SLC38A3: variants seen among roughly 807,000 people sequenced by gnomAD.
SLC38A3 encodes solute carrier family 38 member 3.
A neutral mutation model predicts 59.5 loss-of-function variants in SLC38A3; 17 were observed. The observed-to-expected ratio is 0.29, with a 90% CI of 0.20 to 0.43. The LOEUF is 0.43. Among genes scored for constraint, SLC38A3 ranks in the 20% least tolerant of loss-of-function variants. The probability of loss-of-function intolerance (pLI) is 1.00; values close to 1 mark genes in which losing one functional copy is unlikely to be tolerated. For synonymous variants in SLC38A3, 238 were observed against 260.3 expected (o/e 0.91, Z 0.82); for missense variants, 454 against 653.9 (o/e 0.69, Z 3.33).
chr3:50,213,290 C>T (rs1354776535), intron 1 of SLC38A3, among the ~76,000 whole-genome samples: 3 of 152,028 alleles, frequency 2.0e-5, no homozygotes, highest in South Asian at 2.1e-4. Flanking sequence ...TCCTGGACAG[C>T]GGGCCCCTGA....
chr3:50,211,076 G>T (rs1328850570), intron 1 of SLC38A3, among the ~76,000 whole-genome samples: 2 of 152,214 alleles, frequency 1.3e-5, no homozygotes, highest in Non-Finnish European at 2.9e-5. Context: ...GCAGGGCCAA[G>T]CCCAGCCCTA....
In SLC38A3 at chr3:50,208,509, C is replaced by T. The variant is rs1047179268; in HGVS notation, c.-52+3161C>T. ...AACTCCTGGGCTCAGGTGATCTGCC[C>T]GCCTCGGCCTCCCAAAGTGCTGGGA... On this transcript the variant is annotated intron_variant, in intron 1 of 15. Transcript: ENST00000614032. Among the ~76,000 whole-genome samples, 5 of 151,976 alleles carry T rather than the reference C, an allele frequency of 3.3e-5. No individual in the cohort carries two copies. The East Asian group carries it at 5.8e-4, about 18-fold the overall frequency.
At position 50,215,974 on chromosome 3, in the gene SLC38A3, G is replaced by T. The variant is rs1699813202; in HGVS notation, c.548+153G>T. 6.6e-6 allele frequency among the ~76,000 whole-genome samples: 1 copy of T among 152,076 alleles called. No homozygotes were observed. The highest frequency in any genetic ancestry group is 2.4e-5 in the African/African-American group (1 of 41,386). ...AGAAGCTGGTGGAGTGGGGAGAGTT[G>T]CCCGCAGAGCCAGCATTCAGTTCAC... On this transcript the variant is annotated intron_variant, in intron 7 of 15. Transcript: ENST00000614032. The surrounding 1 kb of genome is among the most constrained non-coding windows in gnomAD (Gnocchi z 7.1).
chr3:50,212,849 G>C (rs1049486416), intron 1 of SLC38A3, among the ~76,000 whole-genome samples: 4 of 152,302 alleles, frequency 2.6e-5, no homozygotes, highest in Admixed American at 6.5e-5. Flanking sequence ...GAGTGGGGAT[G>C]GGGGGTTCAG....
rs1699848082 is a variant in SLC38A3, at chr3:50,218,198, G to A, written c.936-72G>A. On this transcript the variant is annotated intron_variant, in intron 11 of 15. Transcript: ENST00000614032. The surrounding 1 kb of genome is among the most constrained non-coding windows in gnomAD (Gnocchi z 5.8). The stretch of plus-strand genomic sequence containing the variant: ...TGGTGAAAGTATGGTGCCAGAGAGA[G>A]CTTGGGGCACATGGGGGTCTCCCAA... 2 of 1,201,772 alleles carry A rather than the reference G, an allele frequency of 1.7e-6. No homozygotes were observed. Among genetic ancestry groups the A allele is most frequent in the Non-Finnish European group, 2.5e-6 (2 of 807,108 alleles). The allele number at this position is 1,201,772 out of a possible 1,614,324, so 74.4% of individuals were successfully genotyped here. A position where few individuals can be genotyped will look rare whatever the true frequency, so the allele number is the denominator to read the frequency against.
intron 1 of SLC38A3, chr3:50,207,469 C>G (rs1575422348): frequency 6.6e-6 from 1 of 152,270 alleles, no homozygotes; most frequent in East Asian, 1.9e-4. Context: ...TGTGCAACAT[C>G]AAGCCTGGGT....
chr3:50,215,573 C>T lies in SLC38A3; in HGVS notation c.403C>T (p.Arg135Cys), dbSNP rs200559864. The T allele has an allele frequency of 7.4e-5, 120 of 1,613,820 alleles. No individual in the cohort carries two copies. Among genetic ancestry groups the T allele is most frequent in the Non-Finnish European group, 9.6e-5 (113 of 1,179,874 alleles). The stretch of plus-strand genomic sequence containing the variant: ...CCGTGCCTATGAGCAGCTGGGCTAC[C>T]GTGCCTTTGGGACCCCAGGAAAGCT... Reference protein sequence around the residue: ...GIRAYEQLGYRAFGTPGKLAA... With the variant: ...GIRAYEQLGYCAFGTPGKLAA... Residue 135 changes from arginine to cysteine, a missense_variant, in exon 6 of 16, where the codon CGT becomes TGT. By Grantham distance (180) the Arg-to-Cys change is radical (BLOSUM62 -3). Around this residue, in one of 3 missense-constraint regions of SLC38A3, gnomAD observed 390 missense variants for 557.9 expected, o/e 0.70. Transcript: ENST00000614032. The surrounding 1 kb of genome is among the most constrained non-coding windows in gnomAD (Gnocchi z 7.1).
chr3:50,216,756 CTTTGTTTTGT>C (rs3831498), intron 7 of SLC38A3, among the ~76,000 whole-genome samples: 18 of 150,666 alleles, frequency 1.2e-4, no homozygotes, highest in East Asian at 4.0e-4. Flanking sequence ...AAGGCACGCC[CTTTGTTTTGT>C]TTTGTTTTGT....
chr3:50,207,961 TGCTCAG>T (rs1699668080), intron 1 of SLC38A3: 1 of 152,364 alleles, frequency 6.6e-6, no homozygotes, highest in African/African-American at 2.4e-5. Context: ...TATTTTCCAT[TGCTCAG>T]GTAGACAAGT....
In SLC38A3 at chr3:50,214,989, G is replaced by A; in HGVS notation, c.299+221G>A. The A allele has an allele frequency of 1.7e-6, 1 of 593,066 alleles. No homozygotes were observed. Among genetic ancestry groups the A allele is most frequent in the Non-Finnish European group, 3.0e-6 (1 of 335,436 alleles). 36.7% of individuals were successfully genotyped at this position (593,066 alleles called of 1,614,324 possible). ...GTCACAACACAGGCCGGTCTTACAG[G>A]CCAGAGACTGTCCTTTTGGCACCTT... is the stretch of plus-strand genomic sequence containing the variant. On this transcript the variant is annotated intron_variant, in intron 4 of 15. Coordinates refer to ENST00000614032, the MANE Select transcript of SLC38A3 (RefSeq NM_006841.6). This position sits in a 1 kb window ranked among gnomAD's most constrained non-coding sequence, Gnocchi z 6.0.
chr3:50,212,975 C>T (rs542664298), intron 1 of SLC38A3, among the ~76,000 whole-genome samples: 1 of 152,308 alleles, frequency 6.6e-6, no homozygotes, highest in South Asian at 2.1e-4. Flanking sequence ...CTCAGCTCTC[C>T]TCCTGGCCAG....
chr3:50,208,826 G>T (rs992889179), intron 1 of SLC38A3, among the ~76,000 whole-genome samples: 1 of 152,082 alleles, frequency 6.6e-6, no homozygotes, highest in Admixed American at 6.5e-5. Context: ...ATGCATGGAC[G>T]CATGGAGCTA....
chr3:50,214,303 G>A lies in SLC38A3; in HGVS notation c.101+3G>A. 6.2e-7 allele frequency: 1 copy of A among 1,613,754 alleles called. No homozygotes were observed. The highest frequency in any genetic ancestry group is 8.5e-7 in the Non-Finnish European group (1 of 1,179,756). Reference sequence around the variant, plus strand: ...ACCCCCATGGCAGGCAACCAGAGGTGAGTACCAGAGGGACCCAGTGGTGGC... The same window carrying A: ...ACCCCCATGGCAGGCAACCAGAGGTAAGTACCAGAGGGACCCAGTGGTGGC... On this transcript the variant is annotated splice_donor_region_variant and intron_variant, in intron 2 of 15. Coordinates refer to ENST00000614032, the MANE Select transcript of SLC38A3 (RefSeq NM_006841.6). This position sits in a 1 kb window ranked among gnomAD's most constrained non-coding sequence, Gnocchi z 6.0.
At chr3:50,208,543 G>A (rs767696584) in intron 1 of SLC38A3, among the ~76,000 whole-genome samples, 2 of 152,110 alleles carry the variant, frequency 1.3e-5, no homozygotes, top group East Asian at 1.9e-4. Context: ...GATTACAGGC[G>A]TGAGCCACCA....
rs1699629834 is a variant in SLC38A3, at chr3:50,205,358, C to T, written c.-52+10C>T. 7.9e-6 allele frequency: 1 copy of T among 127,040 alleles called. No homozygotes were observed. The highest frequency in any genetic ancestry group is 3.3e-5 in the African/African-American group (1 of 30,744). The allele number at this position is 127,040 out of a possible 1,614,324, so 7.9% of individuals were successfully genotyped here. A position where few individuals can be genotyped will look rare whatever the true frequency, so the allele number is the denominator to read the frequency against. On this transcript the variant is annotated intron_variant, in intron 1 of 15. Coordinates refer to ENST00000614032, the MANE Select transcript of SLC38A3 (RefSeq NM_006841.6). ...CCAACCGCGAGGCCAGGTACCGCTT[C>T]GGGAGTTCATCCCACCCGCACAGGG... is the stretch of plus-strand genomic sequence containing the variant.
At chr3:50,209,258 A>G (rs1429557591) in intron 1 of SLC38A3, among the ~76,000 whole-genome samples, 1 of 147,780 alleles carries the variant, frequency 6.8e-6, no homozygotes, top group Non-Finnish European at 1.5e-5. Context: ...TGCAACCTCT[A>G]TGGGTGGCAG....
chr3:50,211,418 C>T (rs1454260252), intron 1 of SLC38A3, among the ~76,000 whole-genome samples: 1 of 152,202 alleles, frequency 6.6e-6, no homozygotes, highest in Non-Finnish European at 1.5e-5. Context: ...TCAACGCTTA[C>T]AGCTTGCCTC....
chr3:50,219,001 C>T (rs1699863726), intron 14 of SLC38A3, 53 bp downstream of exon 14: 3 of 1,577,314 alleles, frequency 1.9e-6, no homozygotes, highest in Non-Finnish European at 2.6e-6. Context: ...AGGATTTCAA[C>T]TCTGCAAATC....
At position 50,216,756 on chromosome 3, in the gene SLC38A3, CTTTGTTTTGTTTTGT is replaced by C. The variant is rs3831498; in HGVS notation, c.549-464_549-450del. Among the ~76,000 whole-genome samples the C allele has an allele frequency of 8.6e-5, 13 of 150,778 alleles. No homozygotes were observed. The South Asian group carries it at 1.5e-3, about 17-fold the overall frequency. The stretch of plus-strand genomic sequence containing the variant: ...TGAAGGACAGTACTGAAGGCACGCC[CTTTGTTTTGTTTTGT>C]TTTGTTTTGTTTTGTTTGTGAGACG... On this transcript the variant is annotated intron_variant, in intron 7 of 15. Transcript: ENST00000614032.
Sources: allele counts gnomAD v4.1 joint callset (sites outside exome capture counted in the v4.1 genomes callset), GRCh38; gene constraint gnomAD v4.1.1; regional missense constraint gnomAD v4.1.1; non-coding constraint Gnocchi (gnomAD v3.1); transcripts MANE v1.5; gene names NCBI Gene and HGNC (gene_info 2026-07-23, HGNC 2026-07-21).